VTI1A: variants seen among roughly 807,000 people sequenced by gnomAD.
The protein encoded by VTI1A is vesicle transport through interaction with t-SNAREs 1A.
In VTI1A, 22 loss-of-function variants were observed where a neutral mutation model predicts 34.9. That is an observed-to-expected ratio of 0.63 (90% CI 0.45 to 0.90). The LOEUF (loss-of-function observed/expected upper bound fraction) is 0.90. VTI1A is among the 40% of genes least tolerant of loss of function. The pLI is 0.00. For synonymous variants in VTI1A, 87 were observed against 97.3 expected (o/e 0.89, Z 0.62); for missense variants, 268 against 275.6 (o/e 0.97, Z 0.20).
intron 7 of VTI1A, among the ~76,000 whole-genome samples, chr10:112,811,576 C>G (rs1048010156): frequency 1.8e-4 from 27 of 148,446 alleles, no homozygotes; most frequent in Non-Finnish European, 3.4e-4. Flanking sequence ...CCCAGCTACT[C>G]GGGAGGCTGA....
chr10:112,514,189 T>C (rs1476362749), intron 3 of VTI1A, among the ~76,000 whole-genome samples: 1 of 151,974 alleles, frequency 6.6e-6, no homozygotes, highest in East Asian at 1.9e-4. Context: ...ATCTTCTTAC[T>C]TGTTATTTTT....
At chr10:112,795,572 C>G (rs991625903) in intron 7 of VTI1A, among the ~76,000 whole-genome samples, 1 of 151,650 alleles carries the variant, frequency 6.6e-6, no homozygotes, top group Non-Finnish European at 1.5e-5. Flanking sequence ...GTAGCTGAGA[C>G]TACAGACATG....
At position 112,568,431 on chromosome 10, in the gene VTI1A, C is replaced by T. The variant is rs182474121; in HGVS notation, c.427+30101C>T. ...CTGAGGCAGGAGAATCTCTTGAGCC[C>T]GGGAGGCGGAGGTTGCAGTGAGCTG... is the stretch of plus-strand genomic sequence containing the variant. On this transcript the variant is annotated intron_variant, in intron 5 of 7. Transcript: ENST00000393077. 2.8e-3 allele frequency among the ~76,000 whole-genome samples: 419 copies of T among 151,946 alleles called. 4 individuals are homozygous for T. Among genetic ancestry groups the T allele is most frequent in the Non-Finnish European group, 1.7e-3 (118 of 67,980 alleles).
downstream of VTI1A, chr10:112,823,707 T>G (rs1039544557): frequency 6.6e-6 from 1 of 152,218 alleles, no homozygotes; most frequent in African/African-American, 2.4e-5. Context: ...AGCCGCATGT[T>G]CCGCCTCTGG....
At chr10:112,674,911 T>G (rs1375803767) in intron 7 of VTI1A, among the ~76,000 whole-genome samples, 1 of 152,226 alleles carries the variant, frequency 6.6e-6, no homozygotes, top group Non-Finnish European at 1.5e-5. Context: ...AACAAACAGT[T>G]GAGTTTTTGT....
At chr10:112,763,766 T>G (rs1289103487) in intron 7 of VTI1A, among the ~76,000 whole-genome samples, 2 of 152,192 alleles carry the variant, frequency 1.3e-5, no homozygotes, top group Non-Finnish European at 2.9e-5. Context: ...GTTGTTTTAT[T>G]AAAATGCACA....
chr10:112,717,635 C>T (rs1206071100), intron 7 of VTI1A, among the ~76,000 whole-genome samples: 1 of 152,140 alleles, frequency 6.6e-6, no homozygotes, highest in Non-Finnish European at 1.5e-5. Flanking sequence ...CCCAGGGCAC[C>T]TAAGGTGAGA....
chr10:112,846,479 C>A, the VTI1A span, among the ~76,000 whole-genome samples: 1 of 152,116 alleles, frequency 6.6e-6, no homozygotes, highest in African/African-American at 2.4e-5. Context: ...TGAAATATGG[C>A]CAGTGGGCGG....
intron 7 of VTI1A, among the ~76,000 whole-genome samples, chr10:112,716,309 C>G (rs542316458): frequency 1.3e-5 from 2 of 152,308 alleles, no homozygotes; most frequent in African/African-American, 4.8e-5. Context: ...ATGTTCATTT[C>G]TATTCTACAA....
At chr10:112,613,578 T>C (rs1473483473) in intron 5 of VTI1A, among the ~76,000 whole-genome samples, 1 of 152,204 alleles carries the variant, frequency 6.6e-6, no homozygotes, top group African/African-American at 2.4e-5. Context: ...TTGCAGACTC[T>C]TCACTGCCTA....
intron 3 of VTI1A, among the ~76,000 whole-genome samples, chr10:112,510,275 A>C (rs1294605767): frequency 1.3e-5 from 2 of 152,180 alleles, no homozygotes; most frequent in Non-Finnish European, 2.9e-5. Flanking sequence ...ATAAACATCA[A>C]TCTGGCATTT....
At chr10:112,489,424 C>T (rs1848750004) in intron 3 of VTI1A, among the ~76,000 whole-genome samples, 2 of 152,116 alleles carry the variant, frequency 1.3e-5, no homozygotes, top group South Asian at 2.1e-4. Flanking sequence ...TACTGCCAAA[C>T]AGAATGTTTG....
chr10:112,843,517 C>T, the VTI1A span, among the ~76,000 whole-genome samples: 7 of 152,342 alleles, frequency 4.6e-5, no homozygotes, highest in Admixed American at 6.5e-5. Context: ...CTGCTCTAAA[C>T]TGATGATTGG....
intron 7 of VTI1A, among the ~76,000 whole-genome samples, chr10:112,715,841 T>C (rs1403039662): frequency 6.6e-6 from 1 of 152,206 alleles, no homozygotes; most frequent in African/African-American, 2.4e-5. Flanking sequence ...CTGTTGAACA[T>C]ATCTAAGACT....
chr10:112,587,303 C>T (rs1844198871), intron 5 of VTI1A, among the ~76,000 whole-genome samples: 1 of 152,058 alleles, frequency 6.6e-6, no homozygotes, highest in Non-Finnish European at 1.5e-5. Context: ...CCTACTGTTG[C>T]AGTAGTTAGT....
chr10:112,679,897 G>A (rs1848158140), intron 7 of VTI1A, among the ~76,000 whole-genome samples: 1 of 152,094 alleles, frequency 6.6e-6, no homozygotes, highest in Non-Finnish European at 1.5e-5. Flanking sequence ...ATCCTGGAGT[G>A]GGCTTCATGG....
intron 7 of VTI1A, among the ~76,000 whole-genome samples, chr10:112,763,123 A>G (rs1011920729): frequency 2.6e-5 from 4 of 152,100 alleles, no homozygotes; most frequent in Middle Eastern, 3.2e-3. Flanking sequence ...GCCTCTTAGT[A>G]GACTTAAAAT....
In VTI1A at chr10:112,628,256, A is replaced by G. The variant is rs185856757; in HGVS notation, c.428-39962A>G. ...CATTTTTTGTTTATATTTTATATTT[A>G]TAAACAATGCTGCAATGAAATCTTA... is the stretch of plus-strand genomic sequence containing the variant. On this transcript the variant is annotated intron_variant, in intron 5 of 7. Coordinates refer to ENST00000393077, the MANE Select transcript of VTI1A (RefSeq NM_145206.4). Among the ~76,000 whole-genome samples the G allele has an allele frequency of 3.6e-3, 546 of 152,274 alleles. 5 individuals are homozygous for G. The highest frequency in any genetic ancestry group is 0.012 in the African/African-American group (506 of 41,564).
intron 5 of VTI1A, among the ~76,000 whole-genome samples, chr10:112,596,020 GA>G (rs1426296526): frequency 6.6e-6 from 1 of 152,018 alleles, no homozygotes; most frequent in African/African-American, 2.4e-5. Context: ...TAGGGACATG[GA>G]TGAAATTGGA....
Sources: allele counts gnomAD v4.1 joint callset (sites outside exome capture counted in the v4.1 genomes callset), GRCh38; gene constraint gnomAD v4.1.1; transcripts MANE v1.5; gene names NCBI Gene and HGNC (gene_info 2026-07-23, HGNC 2026-07-21).